Variants in CEP63 observed in about 807,000 individuals in gnomAD.
The protein encoded by CEP63 is centrosomal protein 63, also known as centrosomal protein of 63 kDa.
A neutral mutation model predicts 89.1 loss-of-function variants in CEP63; 84 were observed. That is an observed-to-expected ratio of 0.94 (90% CI 0.79 to 1.13). The LOEUF (loss-of-function observed/expected upper bound fraction) is 1.13. Among genes scored for constraint, CEP63 ranks in the 50% most tolerant of loss-of-function variants. CEP63 has a pLI of 0.00. For synonymous variants in CEP63, 267 were observed against 272.5 expected (o/e 0.98, Z 0.20); for missense variants, 838 against 813.3 (o/e 1.03, Z -0.37).
chr3:134,556,613 T>A (rs898943138), intron 12 of CEP63, among the ~76,000 whole-genome samples: 1 of 152,176 alleles, frequency 6.6e-6, no homozygotes, highest in Non-Finnish European at 1.5e-5. Context: ...GAGACTCTTA[T>A]CTTATGCAGT....
chr3:134,776,734 A>G, the CEP63 span, among the ~76,000 whole-genome samples: 22 of 152,270 alleles, frequency 1.4e-4, no homozygotes, highest in East Asian at 3.9e-4. Context: ...GTCCTGTCCA[A>G]TGGGTATTCT....
chr3:134,667,975 A>AG, the CEP63 span, among the ~76,000 whole-genome samples: 1 of 152,216 alleles, frequency 6.6e-6, no homozygotes, highest in East Asian at 1.9e-4. Context: ...GGGAAACAAC[A>AG]GGGTCAATGG....
chr3:134,716,407 C>T, the CEP63 span, among the ~76,000 whole-genome samples: 1 of 152,170 alleles, frequency 6.6e-6, no homozygotes, highest in African/African-American at 2.4e-5. Context: ...GTAGGTATGA[C>T]CCCTTCCCCA....
chr3:134,565,858 G>C (rs1342045616), downstream of CEP63, among the ~76,000 whole-genome samples: 1 of 151,954 alleles, frequency 6.6e-6, no homozygotes, highest in Admixed American at 6.5e-5. Flanking sequence ...AAGTATGTGA[G>C]TATCCAGAAG....
intron 3 of CEP63, among the ~76,000 whole-genome samples, chr3:134,523,925 G>A (rs116722511): frequency 0.015 from 2,252 of 152,236 alleles, 23 homozygotes; most frequent in Non-Finnish European, 0.023. Flanking sequence ...GTTCTGTGAA[G>A]AATGTCATTT....
intron 2 of CEP63, among the ~76,000 whole-genome samples, chr3:134,506,774 C>T (rs527329098): frequency 1.2e-4 from 18 of 151,890 alleles, no homozygotes; most frequent in East Asian, 7.7e-4. Context: ...AAAAATTAGC[C>T]GGGCATGGTG....
At chr3:134,728,715 G>A in the CEP63 span, among the ~76,000 whole-genome samples, 2 of 152,016 alleles carry the variant, frequency 1.3e-5, no homozygotes, top group Admixed American at 1.3e-4. Flanking sequence ...AGGTAAACAC[G>A]GGATAAAAAA....
downstream of CEP63, among the ~76,000 whole-genome samples, chr3:134,579,164 T>C (rs2110321976): frequency 6.6e-6 from 1 of 152,362 alleles, no homozygotes; most frequent in East Asian, 1.9e-4. Context: ...CATAGTGTGA[T>C]TTCATGTATT....
the CEP63 span, among the ~76,000 whole-genome samples, chr3:134,768,302 ATTGGGATTATCT>A: frequency 6.6e-6 from 1 of 152,156 alleles, no homozygotes; most frequent in Non-Finnish European, 1.5e-5. Flanking sequence ...TGACTCCATT[ATTGGGATTATCT>A]TTAGCCAGCC....
the CEP63 span, among the ~76,000 whole-genome samples, chr3:134,703,153 A>G: frequency 1 from 151,063 of 151,158 alleles, 75,484 homozygotes; most frequent in Middle Eastern, 1. Flanking sequence ...AAAATTAGCC[A>G]GGCGTGGTGG....
chr3:134,767,165 G>T, the CEP63 span, among the ~76,000 whole-genome samples: 1 of 152,150 alleles, frequency 6.6e-6, no homozygotes. Flanking sequence ...TGTGCACATT[G>T]GAGTGATTTG....
At chr3:134,493,588 T>G (rs1217595391) in intron 1 of CEP63, among the ~76,000 whole-genome samples, 1 of 152,210 alleles carries the variant, frequency 6.6e-6, no homozygotes, top group Non-Finnish European at 1.5e-5. Context: ...ATACTCAGTT[T>G]GTTAGTATCT....
chr3:134,735,464 AC>A, the CEP63 span, among the ~76,000 whole-genome samples: 1 of 152,170 alleles, frequency 6.6e-6, no homozygotes, highest in Non-Finnish European at 1.5e-5. Flanking sequence ...GCCATTTTAA[AC>A]AGCAAAATCA....
intron 10 of CEP63, among the ~76,000 whole-genome samples, chr3:134,587,141 C>T (rs1307106586): frequency 2.0e-5 from 3 of 152,166 alleles, no homozygotes; most frequent in African/African-American, 7.2e-5. Context: ...TTAGAACATG[C>T]TTCGTTCGCT....
intron 1 of CEP63, among the ~76,000 whole-genome samples, chr3:134,493,477 C>G (rs932753904): frequency 6.6e-6 from 1 of 151,586 alleles, no homozygotes. Context: ...ACATGGGAAC[C>G]TTTTTCTTTA....
At chr3:134,583,449 T>C (rs1315852273) in intron 10 of CEP63, among the ~76,000 whole-genome samples, 1 of 152,202 alleles carries the variant, frequency 6.6e-6, no homozygotes. Flanking sequence ...CCTTTCCCCA[T>C]TTCTTGTTTT....
the CEP63 span, among the ~76,000 whole-genome samples, chr3:134,723,035 CT>C: frequency 1.3e-5 from 2 of 152,208 alleles, no homozygotes; most frequent in African/African-American, 2.4e-5. Flanking sequence ...CACATTTGCC[CT>C]TGCCAAATGC....
the CEP63 span, among the ~76,000 whole-genome samples, chr3:134,733,878 T>C: frequency 4.0e-5 from 6 of 150,936 alleles, no homozygotes; most frequent in African/African-American, 1.5e-4. Context: ...TGTAGATGGA[T>C]ACTTCCCTAA....
In CEP63 at chr3:134,561,734, G is replaced by C; in HGVS notation, c.*199G>C. 1 of 1,391,676 alleles carries C rather than the reference G, an allele frequency of 7.2e-7. No individual in the cohort carries two copies. Among genetic ancestry groups the C allele is most frequent in the Non-Finnish European group, 9.3e-7 (1 of 1,075,822 alleles). 86.2% of individuals were successfully genotyped at this position (1,391,676 alleles called of 1,614,324 possible). A position where few individuals can be genotyped will look rare whatever the true frequency, so the allele number is the denominator to read the frequency against. Reference sequence around the variant, plus strand: ...TGGTTTGTTTAAAGGACTTCTTCCAGCAATAAGTTGAAAGAATAAACCACT... The same window carrying C: ...TGGTTTGTTTAAAGGACTTCTTCCACCAATAAGTTGAAAGAATAAACCACT... On this transcript the variant is annotated 3_prime_UTR_variant, in exon 15 of 15. Transcript: ENST00000675561.
Sources: allele counts gnomAD v4.1 joint callset (sites outside exome capture counted in the v4.1 genomes callset), GRCh38; gene constraint gnomAD v4.1.1; transcripts MANE v1.5; gene names NCBI Gene and HGNC (gene_info 2026-07-23, HGNC 2026-07-21).